Variants in LDLRAD2 observed in about 807,000 individuals in gnomAD.
LDLRAD2 encodes the protein low-density lipoprotein receptor class A domain-containing protein 2.
A neutral mutation model predicts 24.9 loss-of-function variants in LDLRAD2; 25 were observed. That is an observed-to-expected ratio of 1.00 (90% CI 0.73 to 1.40). The LOEUF is 1.40. LDLRAD2 is among the 40% of genes most tolerant of loss of function. The pLI is 0.00. For missense variants in LDLRAD2, 391 were observed against 366.2 expected (o/e 1.07, Z -0.55); for synonymous variants, 182 against 166.7 (o/e 1.09, Z -0.71).
At chr1:21,821,046 A>C (rs561486583) in intron 3 of LDLRAD2, among the ~76,000 whole-genome samples, 18 of 152,108 alleles carry the variant, frequency 1.2e-4, no homozygotes, top group African/African-American at 4.3e-4. Context: ...AAAATAGAAA[A>C]ATTAGCCAGG....
chr1:21,822,407 C>T lies in LDLRAD2; in HGVS notation c.*192C>T, dbSNP rs886423078. On this transcript the variant is annotated 3_prime_UTR_variant, in exon 5 of 5. Coordinates refer to ENST00000344642, the MANE Select transcript of LDLRAD2 (RefSeq NM_001013693.3). ...GCTCCTGCAGATGGGGCAGGGTGGT[C>T]ATATCCCCCTCCTCTCTCTCTCAGT... 19 of 617,566 alleles carry T rather than the reference C, an allele frequency of 3.1e-5. No homozygotes were observed. The highest frequency in any genetic ancestry group is 5.5e-5 in the African/African-American group (3 of 54,442). The allele number at this position is 617,566 out of a possible 1,614,324, so 38.3% of individuals were successfully genotyped here. A position where few individuals can be genotyped will look rare whatever the true frequency, so the allele number is the denominator to read the frequency against.
In LDLRAD2 at chr1:21,824,770, C is replaced by T. The variant is rs1202075698; in HGVS notation, c.*2555C>T. The T allele has an allele frequency of 1.2e-6, 2 of 1,612,520 alleles. No individual in the cohort carries two copies. The highest frequency in any genetic ancestry group is 1.7e-6 in the Non-Finnish European group (2 of 1,179,460). On this transcript the variant is annotated 3_prime_UTR_variant, in exon 5 of 5. Transcript: ENST00000344642. The surrounding 1 kb of genome is among the most constrained non-coding windows in gnomAD (Gnocchi z 5.9). Reference sequence around the variant, plus strand: ...ATCGTGGAAATAGGCTCCGTACTGCCCAGGGGCATCTGTGGGAGAGAGGAG... The same window carrying T: ...ATCGTGGAAATAGGCTCCGTACTGCTCAGGGGCATCTGTGGGAGAGAGGAG...
chr1:21,821,919 G>A, intron 4 of LDLRAD2: 1 of 1,415,706 alleles, frequency 7.1e-7, no homozygotes, highest in Non-Finnish European at 9.2e-7. Context: ...CCAGGGGGCT[G>A]CAGTTGAGTG....
In LDLRAD2 at chr1:21,815,930, C is replaced by T. The variant is rs1278258727; in HGVS notation, c.512-13C>T. On this transcript the variant is annotated splice_polypyrimidine_tract_variant and intron_variant, in intron 2 of 4. Transcript: ENST00000344642. ...CCGGAATCCTCACCTCAGGCTTCTG[C>T]TTCTGGCCTCAGGACCTTGTGGTGC... 1 of 1,613,622 alleles carries T rather than the reference C, an allele frequency of 6.2e-7. No individual in the cohort carries two copies. Among genetic ancestry groups the T allele is most frequent in the Admixed American group, 1.7e-5 (1 of 60,008 alleles).
At chr1:21,821,732 C>T in intron 4 of LDLRAD2, 121 bp downstream of exon 4, 1 of 1,522,918 alleles carries the variant, frequency 6.6e-7, no homozygotes, top group Non-Finnish European at 8.8e-7. Context: ...AGGCCCCCAG[C>T]TCTGAGGGGT....
At position 21,814,657 on chromosome 1, in the gene LDLRAD2, C is replaced by G. The variant is rs760613747; in HGVS notation, c.345C>G (p.Phe115Leu). ...DPCAPGSYLQ[F>L]YEGPPGAPRP... is the part of the protein sequence containing the mutation. ...GCGCCCCCGGCTCCTACCTGCAGTTCTACGAGGGCCCGCCGGGGGCGCCCC... is the reference window on the plus strand; with the variant it reads ...GCGCCCCCGGCTCCTACCTGCAGTTGTACGAGGGCCCGCCGGGGGCGCCCC... The change falls in exon 2 of 5, where the codon TTC (phenylalanine) becomes TTG (leucine). Residue 115 changes from phenylalanine to leucine, a missense_variant. Coordinates refer to ENST00000344642, the MANE Select transcript of LDLRAD2 (RefSeq NM_001013693.3). 16 of 1,597,886 alleles carry G rather than the reference C, an allele frequency of 1.0e-5. No individual in the cohort carries two copies. The South Asian group carries it at 1.8e-4, about 18-fold the overall frequency.
In LDLRAD2 at chr1:21,816,150, A is replaced by G. The variant is rs950977215; in HGVS notation, c.643+76A>G. The G allele has an allele frequency of 2.6e-5, 41 of 1,562,764 alleles. No individual in the cohort carries two copies. In the African/African-American group the frequency reaches 5.1e-4, roughly 20 times the overall value. On this transcript the variant is annotated intron_variant, in intron 3 of 4. Transcript: ENST00000344642. ...GGCCCTAACTCCCCTTCCCTAGGGC[A>G]GGGCCCCGATGGGGAGGCAGGAGAG...
chr1:21,813,577 CATTT>C (rs1384742919), intron 1 of LDLRAD2, among the ~76,000 whole-genome samples: 3 of 152,182 alleles, frequency 2.0e-5, no homozygotes, highest in Non-Finnish European at 4.4e-5. Context: ...CACATCTTCT[CATTT>C]AATCCTCACA....
rs1341298449 is a variant in LDLRAD2 at position 21,823,411 on chromosome 1, G to A, written c.*1196G>A. 2 of 1,580,536 alleles carry A rather than the reference G, an allele frequency of 1.3e-6. No homozygotes were observed. The highest frequency in any genetic ancestry group is 1.7e-6 in the Non-Finnish European group (2 of 1,168,188). ...GGGGCGCCGGGTCGGGCCGAGTGCA[G>A]CACCAGGTTCTTGACACAGCCTGTG... On this transcript the variant is annotated 3_prime_UTR_variant, in exon 5 of 5. Coordinates refer to ENST00000344642, the MANE Select transcript of LDLRAD2 (RefSeq NM_001013693.3).
intron 3 of LDLRAD2, among the ~76,000 whole-genome samples, chr1:21,816,703 A>C (rs35198742): frequency 0.082 from 12,460 of 152,122 alleles, 924 homozygotes; most frequent in African/African-American, 0.2. Flanking sequence ...TGCCATGTAC[A>C]GTTGAACAGG....
chr1:21,824,274 A>T lies in LDLRAD2; in HGVS notation c.*2059A>T, dbSNP rs1443187794. 1 of 1,613,274 alleles carries T rather than the reference A, an allele frequency of 6.2e-7. No homozygotes were observed. The highest frequency in any genetic ancestry group is 1.1e-5 in the South Asian group (1 of 91,072). ...GGGGGTGGGGTGCTGGGACCAGGGA[A>T]GGGAGAGGAAGGGCCAGGTGCCAGG... On this transcript the variant is annotated 3_prime_UTR_variant, in exon 5 of 5. Transcript: ENST00000344642. The surrounding 1 kb of genome is among the most constrained non-coding windows in gnomAD (Gnocchi z 5.9).
At chr1:21,821,636 C>A in intron 4 of LDLRAD2, 25 bp downstream of exon 4, 1 of 1,609,400 alleles carries the variant, frequency 6.2e-7, no homozygotes, top group Non-Finnish European at 8.5e-7. Context: ...CTACTCTTCC[C>A]ACCAAAATCA....
Position 21,820,522 on chromosome 1 carries a change from CAAAAAAAAAA to C in LDLRAD2, c.644-918_644-909del, listed in dbSNP as rs11370390. Among the ~76,000 whole-genome samples the C allele has an allele frequency of 1.6e-4, 11 of 70,162 alleles. No homozygotes were observed. In the East Asian group the frequency reaches 4.4e-3, roughly 28 times the overall value. The allele number at this position is 70,162 out of a possible 152,430, so 46.0% of individuals were successfully genotyped here. A position where few individuals can be genotyped will look rare whatever the true frequency, so the allele number is the denominator to read the frequency against. ...TGGGCGACAGAGCGAGACTCCGTCT[CAAAAAAAAAA>C]AAAAAAAAAGAAAAGAAAAGAAAAG... On this transcript the variant is annotated intron_variant, in intron 3 of 4. Coordinates refer to ENST00000344642, the MANE Select transcript of LDLRAD2 (RefSeq NM_001013693.3).
intron 3 of LDLRAD2, among the ~76,000 whole-genome samples, chr1:21,817,217 C>T (rs1440913587): frequency 1.3e-5 from 2 of 152,222 alleles, no homozygotes; most frequent in African/African-American, 4.8e-5. Flanking sequence ...CCACCACCAG[C>T]TCTCGTCTGG....
Position 21,815,943 on chromosome 1 carries a change from G to A in LDLRAD2, c.512G>A (p.Gly171Glu). 6.2e-7 allele frequency: 1 copy of A among 1,613,878 alleles called. No individual in the cohort carries two copies. The highest frequency in any genetic ancestry group is 1.3e-5 in the African/African-American group (1 of 75,056). The stretch of plus-strand genomic sequence containing the variant: ...CTCAGGCTTCTGCTTCTGGCCTCAG[G>A]ACCTTGTGGTGCCTACTTCCGCTGC... Reference protein sequence around the residue: ...FVGEVTSFRLGPCGAYFRCQN... With the variant: ...FVGEVTSFRLEPCGAYFRCQN... Residue 171 changes from glycine (G) to glutamate (E), a missense_variant and splice_region_variant, in exon 3 of 5, where the codon GGA becomes GAA. Coordinates refer to ENST00000344642, the MANE Select transcript of LDLRAD2 (RefSeq NM_001013693.3).
In LDLRAD2 at chr1:21,824,381, C is replaced by T. The variant is rs2097962604; in HGVS notation, c.*2166C>T. On this transcript the variant is annotated 3_prime_UTR_variant, in exon 5 of 5. Coordinates refer to ENST00000344642, the MANE Select transcript of LDLRAD2 (RefSeq NM_001013693.3). The surrounding 1 kb of genome is among the most constrained non-coding windows in gnomAD (Gnocchi z 5.9). ...TTGGCCGGCCTCTCCCACCTCCTGC[C>T]AGGGAAGCACAGGGTCTCTGGGGTC... The T allele has an allele frequency of 6.2e-7, 1 of 1,613,686 alleles. No homozygotes were observed. The highest frequency in any genetic ancestry group is 1.1e-5 in the South Asian group (1 of 91,090).
chr1:21,821,073 G>A (rs1473948318), intron 3 of LDLRAD2, among the ~76,000 whole-genome samples: 1 of 152,022 alleles, frequency 6.6e-6, no homozygotes, highest in African/African-American at 2.4e-5. Context: ...GGCACGTGCT[G>A]GTAGTCCCAG....
Position 21,814,719 on chromosome 1 carries a change from C to T in LDLRAD2, c.407C>T (p.Pro136Leu), listed in dbSNP as rs368600574. The T allele has an allele frequency of 1.9e-5, 30 of 1,557,130 alleles. No individual in the cohort carries two copies. The highest frequency in any genetic ancestry group is 2.5e-5 in the Non-Finnish European group (29 of 1,152,664). Reference sequence around the variant, plus strand: ...TCCCCACTGTGCGGCCTGAACATCCCGGTGCCTGTGGCATCCTCCGGACCC... The same window carrying T: ...TCCCCACTGTGCGGCCTGAACATCCTGGTGCCTGTGGCATCCTCCGGACCC... ...LGSPLCGLNI[P>L]VPVASSGPFL... Residue 136 changes from proline (P) to leucine (L), a missense_variant, in exon 2 of 5, where the codon CCG (proline) becomes CTG (leucine). Pro to Leu is a moderately conservative substitution (Grantham distance 98). Coordinates refer to ENST00000344642, the MANE Select transcript of LDLRAD2 (RefSeq NM_001013693.3).
intron 2 of LDLRAD2, 56 bp downstream of exon 2, chr1:21,814,879 G>T: frequency 7.2e-7 from 1 of 1,385,986 alleles, no homozygotes; most frequent in East Asian, 2.8e-5. Context: ...TGCGGGACTG[G>T]GGCCACAGTG....
Sources: allele counts gnomAD v4.1 joint callset (sites outside exome capture counted in the v4.1 genomes callset), GRCh38; gene constraint gnomAD v4.1.1; non-coding constraint Gnocchi (gnomAD v3.1); transcripts MANE v1.5; gene names NCBI Gene and HGNC (gene_info 2026-07-23, HGNC 2026-07-21).